Variants in LOC128092253 observed in about 807,000 individuals in gnomAD.
chr6:133,964,601 C>T, the LOC128092253 span, among the ~76,000 whole-genome samples: 1 of 151,706 alleles, frequency 6.6e-6, no homozygotes, highest in South Asian at 2.1e-4. Flanking sequence ...AGGTGCCTGC[C>T]ACCACTCCAG....
At chr6:133,975,659 T>C in the LOC128092253 span, among the ~76,000 whole-genome samples, 1 of 152,168 alleles carries the variant, frequency 6.6e-6, no homozygotes, top group Non-Finnish European at 1.5e-5. Flanking sequence ...GCAAACCAGA[T>C]TCATCAATAA....
At chr6:133,971,050 A>G in the LOC128092253 span, among the ~76,000 whole-genome samples, 6 of 152,168 alleles carry the variant, frequency 3.9e-5, no homozygotes, top group East Asian at 1.9e-4. Flanking sequence ...CTCCAATCCA[A>G]TTGTAATTTT....
At chr6:133,956,509 CT>C in the LOC128092253 span, among the ~76,000 whole-genome samples, 1 of 152,146 alleles carries the variant, frequency 6.6e-6, no homozygotes, top group Non-Finnish European at 1.5e-5. Context: ...GGTGAATGGA[CT>C]TCATCATGCC....
chr6:133,976,331 A>G, the LOC128092253 span, among the ~76,000 whole-genome samples: 49 of 152,314 alleles, frequency 3.2e-4, no homozygotes, highest in African/African-American at 1.2e-3. Context: ...AACATTTACA[A>G]TGTTTCAGAT....
chr6:133,979,966 A>G, the LOC128092253 span: 4 of 828,310 alleles, frequency 4.8e-6, 1 homozygote, highest in African/African-American at 1.8e-5. Context: ...ATTTGATTCT[A>G]GTAACATTTG....
chr6:133,977,840 A>G, the LOC128092253 span, among the ~76,000 whole-genome samples: 1 of 152,274 alleles, frequency 6.6e-6, no homozygotes, highest in African/African-American at 2.4e-5. Context: ...CGTGGTGCAA[A>G]ATTGGCTACT....
chr6:133,960,418 C>CTT, the LOC128092253 span, among the ~76,000 whole-genome samples: 8,371 of 131,442 alleles, frequency 0.064, 680 homozygotes, highest in African/African-American at 0.19. Flanking sequence ...GCTGACCAGC[C>CTT]TTTTTTTTTT....
the LOC128092253 span, chr6:133,953,415 C>T: frequency 2.6e-5 from 4 of 152,984 alleles, no homozygotes; most frequent in African/African-American, 9.7e-5. Flanking sequence ...CCACCGCTCC[C>T]TCTTCCCACG....
At chr6:133,959,086 C>T in the LOC128092253 span, among the ~76,000 whole-genome samples, 1 of 152,112 alleles carries the variant, frequency 6.6e-6, no homozygotes, top group East Asian at 1.9e-4. Context: ...GTCACCCAGA[C>T]TGGAGTGCGG....
chr6:133,974,083 T>C, the LOC128092253 span, among the ~76,000 whole-genome samples: 91 of 150,956 alleles, frequency 6.0e-4, no homozygotes, highest in African/African-American at 2.1e-3. Context: ...GATATAACTA[T>C]GTAAGTGCAT....
At chr6:133,957,854 G>A in the LOC128092253 span, among the ~76,000 whole-genome samples, 1 of 152,230 alleles carries the variant, frequency 6.6e-6, no homozygotes, top group Non-Finnish European at 1.5e-5. Context: ...GCTTTAAAAA[G>A]TATTAGCAGG....
the LOC128092253 span, among the ~76,000 whole-genome samples, chr6:133,976,133 A>G: frequency 2.0e-5 from 3 of 152,236 alleles, no homozygotes; most frequent in Non-Finnish European, 4.4e-5. Flanking sequence ...TGTAGGAAAA[A>G]AAGATCGTTA....
chr6:133,965,101 A>C, the LOC128092253 span, among the ~76,000 whole-genome samples: 1 of 152,300 alleles, frequency 6.6e-6, no homozygotes, highest in Admixed American at 6.5e-5. Flanking sequence ...TAGCTACCCT[A>C]GTGAATTAAC....
chr6:133,962,111 G>A, the LOC128092253 span, among the ~76,000 whole-genome samples: 4 of 152,188 alleles, frequency 2.6e-5, no homozygotes, highest in African/African-American at 9.6e-5. Context: ...TATTGGAAGA[G>A]GAATGGTGTA....
At chr6:133,959,463 TG>T in the LOC128092253 span, among the ~76,000 whole-genome samples, 1 of 152,064 alleles carries the variant, frequency 6.6e-6, no homozygotes, top group Non-Finnish European at 1.5e-5. Flanking sequence ...TTTTCTCTAG[TG>T]TTCTTTCTTT....
chr6:133,956,001 T>C, the LOC128092253 span, among the ~76,000 whole-genome samples: 3 of 152,204 alleles, frequency 2.0e-5, no homozygotes, highest in African/African-American at 7.2e-5. Context: ...GAGAGAGTTA[T>C]TTCTTCTCAT....
the LOC128092253 span, among the ~76,000 whole-genome samples, chr6:133,969,959 A>G: frequency 6.6e-6 from 1 of 152,232 alleles, no homozygotes; most frequent in Non-Finnish European, 1.5e-5. Context: ...TTAGAATTAG[A>G]TGGGAATCTT....
At chr6:133,977,858 T>C in the LOC128092253 span, among the ~76,000 whole-genome samples, 1 of 152,224 alleles carries the variant, frequency 6.6e-6, no homozygotes, top group Non-Finnish European at 1.5e-5. Context: ...ACTTGAGCTC[T>C]AGCTCTCATA....
At chr6:133,971,645 A>T in the LOC128092253 span, among the ~76,000 whole-genome samples, 1 of 152,002 alleles carries the variant, frequency 6.6e-6, no homozygotes, top group Admixed American at 6.5e-5. Flanking sequence ...GTGAGGTGGT[A>T]TCTCATTGTG....
Sources: gnomAD v4.1 joint callset for allele counts (sites outside exome capture counted in the v4.1 genomes callset) on GRCh38, gnomAD v4.1.1 for gene constraint, MANE v1.5 for transcripts.